Variants in AIMP2 observed in about 807,000 individuals in gnomAD.
AIMP2 encodes the protein aminoacyl tRNA synthetase complex interacting multifunctional protein 2.
In AIMP2, 20 loss-of-function variants were observed where a neutral mutation model predicts 23.4. The ratio of observed to expected loss-of-function variants is 0.85; its 90% CI spans 0.60 to 1.24. AIMP2 has a LOEUF of 1.24. Among genes scored for constraint, AIMP2 ranks in the 50% most tolerant of loss-of-function variants. The pLI is 0.00. For missense variants in AIMP2, 515 were observed against 414.5 expected, an observed-to-expected ratio of 1.24 and a Z score of -2.10; for synonymous variants, 210 against 170.4, an observed-to-expected ratio of 1.23 and a Z score of -1.81.
At chr7:6,009,885 T>A (rs1240997178) in intron 1 of AIMP2, among the ~76,000 whole-genome samples, 1 of 140,046 alleles carries the variant, frequency 7.1e-6, no homozygotes, top group Non-Finnish European at 1.5e-5. Flanking sequence ...GGAGGCGGAG[T>A]TTGCAGTGAG....
chr7:6,009,968 A>ATATATATATAT (rs1289301847), intron 1 of AIMP2, among the ~76,000 whole-genome samples: 15 of 36,698 alleles, frequency 4.1e-4, no homozygotes, highest in African/African-American at 1.4e-3. Flanking sequence ...AAAAAAAAAA[A>ATATATATATAT]AAAAAAATAT....
rs1456488701 is a variant in AIMP2 at position 6,023,334 on chromosome 7, G to A, written c.606G>A (p.Gln202=). 1 of 1,606,548 alleles carries A rather than the reference G, an allele frequency of 6.2e-7. No homozygotes were observed. The highest frequency in any genetic ancestry group is 1.3e-5 in the African/African-American group (1 of 74,448). Reference sequence around the variant, plus strand: ...AGACGCAGATGAAATTCAGCATCCAGACGATGTGCCCCATCGAAGGCGAAG... The same window carrying A: ...AGACGCAGATGAAATTCAGCATCCAAACGATGTGCCCCATCGAAGGCGAAG... ...VPKTQMKFSI[Q]TMCPIEGEGN... Residue 202 remains glutamine, a synonymous_variant, in exon 4 of 4, where the codon CAG becomes CAA. Transcript: ENST00000223029.
intron 3 of AIMP2, among the ~76,000 whole-genome samples, chr7:6,019,817 A>C (rs1787269651): frequency 6.6e-6 from 1 of 152,156 alleles, no homozygotes; most frequent in African/African-American, 2.4e-5. Flanking sequence ...AGGTTAAGAG[A>C]TCAAGATTAT....
chr7:6,016,070 A>G (rs1242057579), intron 2 of AIMP2, among the ~76,000 whole-genome samples: 1 of 152,184 alleles, frequency 6.6e-6, no homozygotes, highest in Non-Finnish European at 1.5e-5. Context: ...GCCAACTTTC[A>G]GAACTGTGAC....
chr7:6,011,029 A>C (rs1416635275), intron 1 of AIMP2, among the ~76,000 whole-genome samples: 1 of 152,140 alleles, frequency 6.6e-6, no homozygotes, highest in Non-Finnish European at 1.5e-5. Context: ...AGAAGTATTC[A>C]TCATCTCTGT....
At chr7:6,009,974 A>AAAAATATATATATATATAT in intron 1 of AIMP2, among the ~76,000 whole-genome samples, 5 of 26,668 alleles carry the variant, frequency 1.9e-4, no homozygotes, top group East Asian at 3.7e-3. Context: ...AAAAAAAAAA[A>AAAAATATATATATATATAT]ATATATATAT....
chr7:6,013,198 G>A (rs1386688079), intron 1 of AIMP2: 1 of 152,662 alleles, frequency 6.6e-6, no homozygotes, highest in Non-Finnish European at 1.4e-5. Flanking sequence ...TTAAATGTTT[G>A]ACATTTTATC....
intron 3 of AIMP2, 32 bp from the exon 4 acceptor site, chr7:6,023,271 G>C (rs756176778): frequency 1.3e-6 from 2 of 1,556,908 alleles, no homozygotes; most frequent in Non-Finnish European, 1.7e-6. Context: ...GGCTGCTCTG[G>C]TGATGCTACC....
intron 3 of AIMP2, among the ~76,000 whole-genome samples, chr7:6,018,567 G>A (rs950603504): frequency 1.3e-5 from 2 of 151,832 alleles, no homozygotes; most frequent in African/African-American, 4.8e-5. Context: ...CACGCGCAGG[G>A]GCTCACGCCT....
chr7:6,015,667 T>C (rs980434468), intron 2 of AIMP2, among the ~76,000 whole-genome samples: 1 of 152,234 alleles, frequency 6.6e-6, no homozygotes, highest in Non-Finnish European at 1.5e-5. Context: ...GAGCTTGTGG[T>C]GAGCGGAGAT....
chr7:6,012,485 C>T (rs1214360452), intron 1 of AIMP2, among the ~76,000 whole-genome samples: 2 of 152,100 alleles, frequency 1.3e-5, no homozygotes, highest in Non-Finnish European at 2.9e-5. Flanking sequence ...GACTAGATCA[C>T]GCTGCACTCA....
At chr7:6,019,409 C>A (rs536422941) in intron 3 of AIMP2, among the ~76,000 whole-genome samples, 1 of 149,398 alleles carries the variant, frequency 6.7e-6, no homozygotes, top group Non-Finnish European at 1.5e-5. Flanking sequence ...GGTGTGAACC[C>A]GGGAGGCAGA....
intron 3 of AIMP2, among the ~76,000 whole-genome samples, chr7:6,021,152 C>T (rs1322404861): frequency 6.6e-6 from 1 of 152,068 alleles, no homozygotes; most frequent in Non-Finnish European, 1.5e-5. Context: ...AGGCTCATTA[C>T]ACACAGTACT....
chr7:6,014,960 T>C, intron 1 of AIMP2, 186 bp from the exon 2 acceptor site: 2 of 1,328,886 alleles, frequency 1.5e-6, no homozygotes, highest in Non-Finnish European at 9.9e-7. Flanking sequence ...CGTCAGATGA[T>C]CTGCCTACCT....
chr7:6,011,251 G>A lies in AIMP2; in HGVS notation c.135+1753G>A, dbSNP rs115697752. ...CCACTCTATTAAATTGTTTTCCAAA[G>A]TTATACTGGTTTATGCGCTCGCTCA... On this transcript the variant is annotated intron_variant, in intron 1 of 3. Coordinates refer to ENST00000223029, the MANE Select transcript of AIMP2 (RefSeq NM_006303.4). 7.8e-3 allele frequency among the ~76,000 whole-genome samples: 1,188 copies of A among 152,286 alleles called. 11 individuals are homozygous for A. Among genetic ancestry groups the A allele is most frequent in the African/African-American group, 0.028 (1,144 of 41,564 alleles).
At chr7:6,016,571 G>T (rs112393694) in intron 2 of AIMP2, among the ~76,000 whole-genome samples, 1 of 152,108 alleles carries the variant, frequency 6.6e-6, no homozygotes, top group African/African-American at 2.4e-5. Context: ...ATGAGTTTTC[G>T]AGCATGCGCG....
At position 6,015,244 on chromosome 7, in the gene AIMP2, G is replaced by A. The variant is rs1291150760; in HGVS notation, c.234G>A (p.Lys78=). ...ELKAAVDGLS[K]MIQTPDADLD... is the part of the protein sequence containing the mutation. The stretch of plus-strand genomic sequence containing the variant: ...AAGCTGCAGTTGATGGCCTCTCCAA[G>A]ATGATTCAAACACCAGATGCAGACT... Residue 78 remains lysine (K), a synonymous_variant, in exon 2 of 4, where the codon AAG becomes AAA. Transcript: ENST00000223029. 6.2e-7 allele frequency: 1 copy of A among 1,614,186 alleles called. No homozygotes were observed. The highest frequency in any genetic ancestry group is 8.5e-7 in the Non-Finnish European group (1 of 1,180,036).
chr7:6,013,481 G>A (rs145478456), intron 1 of AIMP2, among the ~76,000 whole-genome samples: 1 of 151,924 alleles, frequency 6.6e-6, no homozygotes, highest in African/African-American at 2.4e-5. Flanking sequence ...GGCTGGTCTC[G>A]AACTCCTGAC....
At chr7:6,012,614 A>G (rs190234231) in intron 1 of AIMP2, 123 of 261,470 alleles carry the variant, frequency 4.7e-4, no homozygotes, top group African/African-American at 2.3e-3. Context: ...CTGGAGTGCA[A>G]TGTCGCAATC....
Sources: gnomAD v4.1 joint callset for allele counts (sites outside exome capture counted in the v4.1 genomes callset) on GRCh38, gnomAD v4.1.1 for gene constraint, MANE v1.5 for transcripts, NCBI Gene and HGNC (gene_info 2026-07-23, HGNC 2026-07-21) for gene names.